Variants in CFAP61 observed in about 807,000 individuals in gnomAD.
CFAP61 encodes the protein cilia- and flagella-associated protein 61.
In CFAP61, 107 loss-of-function variants were observed where a neutral mutation model predicts 135.6. That is an observed-to-expected ratio of 0.79 (90% CI 0.67 to 0.93). The LOEUF is 0.93. Among genes scored for constraint, CFAP61 ranks in the 40% least tolerant of loss-of-function variants. The probability of loss-of-function intolerance (pLI) is 0.00; values close to 1 mark genes in which losing one functional copy is unlikely to be tolerated. For synonymous variants in CFAP61, 575 were observed against 578.5 expected, an observed-to-expected ratio of 0.99 and a Z score of 0.09; for missense variants, 1,507 against 1,556.2, an observed-to-expected ratio of 0.97 and a Z score of 0.53.
intron 13 of CFAP61, among the ~76,000 whole-genome samples, chr20:20,178,838 T>C (rs1433177451): frequency 2.0e-5 from 3 of 152,186 alleles, no homozygotes; most frequent in South Asian, 2.1e-4. Context: ...CAGAACCCGA[T>C]AGAAACTTCA....
chr20:20,287,937 G>A (rs1453972873), intron 22 of CFAP61, among the ~76,000 whole-genome samples: 1 of 152,192 alleles, frequency 6.6e-6, no homozygotes, highest in African/African-American at 2.4e-5. Context: ...TAAGGAGCAT[G>A]CAAAGGGGTT....
At chr20:20,220,102 G>A (rs1459525555) in intron 17 of CFAP61, 2 of 152,420 alleles carry the variant, frequency 1.3e-5, no homozygotes, top group African/African-American at 2.4e-5. Context: ...TAGAGGGTTG[G>A]AACTTTCAGG....
chr20:20,303,492 T>C (rs1258298962), intron 25 of CFAP61, among the ~76,000 whole-genome samples: 2 of 152,078 alleles, frequency 1.3e-5, no homozygotes, highest in African/African-American at 4.8e-5. Context: ...CTGTGCCTTG[T>C]CAGTTACTCC....
At chr20:20,325,668 T>C (rs988376268) in intron 25 of CFAP61, among the ~76,000 whole-genome samples, 10 of 152,234 alleles carry the variant, frequency 6.6e-5, no homozygotes, top group Non-Finnish European at 1.3e-4. Flanking sequence ...TGAATAAAAC[T>C]GCTGTAACAT....
At chr20:20,310,412 C>T (rs2122191614) in intron 25 of CFAP61, among the ~76,000 whole-genome samples, 1 of 152,264 alleles carries the variant, frequency 6.6e-6, no homozygotes, top group Admixed American at 6.5e-5. Flanking sequence ...GAATGCAAAG[C>T]CTGGCAAAGC....
chr20:20,121,866 T>C (rs906778899), intron 8 of CFAP61, among the ~76,000 whole-genome samples: 1 of 152,176 alleles, frequency 6.6e-6, no homozygotes, highest in African/African-American at 2.4e-5. Context: ...TTTTCCTTTC[T>C]TCCTTTCTTA....
chr20:20,216,524 G>A (rs2048046031), intron 17 of CFAP61, among the ~76,000 whole-genome samples: 1 of 152,238 alleles, frequency 6.6e-6, no homozygotes, highest in Admixed American at 6.5e-5. Flanking sequence ...TCACATAGGT[G>A]TCACTCTCAT....
chr20:20,175,810 C>T (rs765603608), intron 13 of CFAP61, among the ~76,000 whole-genome samples: 2 of 152,004 alleles, frequency 1.3e-5, no homozygotes, highest in African/African-American at 4.8e-5. Context: ...GGATTACAGG[C>T]GTGAGCCACT....
intron 9 of CFAP61, among the ~76,000 whole-genome samples, chr20:20,153,369 A>G (rs2052613572): frequency 6.6e-6 from 1 of 152,136 alleles, no homozygotes; most frequent in South Asian, 2.1e-4. Context: ...AAATAAAAAG[A>G]TCAGAACAGG....
intron 8 of CFAP61, among the ~76,000 whole-genome samples, chr20:20,136,234 A>G (rs1307116214): frequency 6.6e-6 from 1 of 151,804 alleles, no homozygotes; most frequent in Non-Finnish European, 1.5e-5. Flanking sequence ...GGTTAAATCT[A>G]CTTGGTGTTT....
At chr20:20,312,860 G>A (rs746129547) in intron 25 of CFAP61, among the ~76,000 whole-genome samples, 16 of 151,968 alleles carry the variant, frequency 1.1e-4, no homozygotes, top group South Asian at 6.2e-4. Flanking sequence ...TAACAGCTCC[G>A]GACTAATAAA....
chr20:20,358,354 T>C lies in CFAP61; in HGVS notation c.3514-1856T>C, dbSNP rs115860995. 7.3e-3 allele frequency among the ~76,000 whole-genome samples: 1,118 copies of C among 152,302 alleles called. 16 individuals carry two copies. Among genetic ancestry groups the C allele is most frequent in the African/African-American group, 0.026 (1,066 of 41,548 alleles). ...AGAGGCAAGTGCCCAAAAATCTGTT[T>C]ATAATCTAGAGCAATATTTGCCTGA... On this transcript the variant is annotated intron_variant, in intron 26 of 26. Transcript: ENST00000245957.
At chr20:20,256,899 T>A (rs1010110466) in intron 20 of CFAP61, among the ~76,000 whole-genome samples, 1 of 152,166 alleles carries the variant, frequency 6.6e-6, no homozygotes, top group Non-Finnish European at 1.5e-5. Flanking sequence ...CCCATCTCCC[T>A]TTTTGTCTAA....
intron 8 of CFAP61, among the ~76,000 whole-genome samples, chr20:20,118,487 C>G (rs1356707824): frequency 1.3e-5 from 2 of 151,732 alleles, no homozygotes; most frequent in African/African-American, 2.4e-5. Flanking sequence ...ATTACAGGTG[C>G]CTGCCACCAC....
At chr20:20,074,193 G>T in intron 3 of CFAP61, 109 bp from the exon 4 acceptor site, 1 of 841,100 alleles carries the variant, frequency 1.2e-6, no homozygotes, top group South Asian at 1.4e-5. Context: ...AACCCTAAAT[G>T]CCAGGCTGTT....
At chr20:20,268,006 G>T (rs2052930851) in intron 21 of CFAP61, among the ~76,000 whole-genome samples, 1 of 152,254 alleles carries the variant, frequency 6.6e-6, no homozygotes, top group African/African-American at 2.4e-5. Context: ...AAGGAGCAGG[G>T]CTGTGCTTAT....
chr20:20,200,808 C>A, intron 17 of CFAP61: 1 of 985,394 alleles, frequency 1.0e-6, no homozygotes, highest in Non-Finnish European at 1.2e-6. Context: ...AAGGACATCA[C>A]CCGACCCAGA....
chr20:20,082,107 T>C lies in CFAP61; in HGVS notation c.566+6492T>C, dbSNP rs150868076. The stretch of plus-strand genomic sequence containing the variant: ...AACAACGCTAGAAAAATGGAGACTT[T>C]ACAGAACATCAAATGGGCGTGGCTG... On this transcript the variant is annotated intron_variant, in intron 6 of 26. Transcript: ENST00000245957. 5.7e-3 allele frequency among the ~76,000 whole-genome samples: 867 copies of C among 152,354 alleles called. 6 individuals are homozygous for C. The Middle Eastern group carries it at 0.061, about 11-fold the overall frequency.
At chr20:20,172,244 G>C (rs948640286) in intron 13 of CFAP61, 1 of 984,772 alleles carries the variant, frequency 1.0e-6, no homozygotes, top group Non-Finnish European at 1.2e-6. Context: ...ACAGGACTGG[G>C]AATTGTAGGT....
Sources: allele counts gnomAD v4.1 joint callset (sites outside exome capture counted in the v4.1 genomes callset), GRCh38; gene constraint gnomAD v4.1.1; transcripts MANE v1.5; gene names NCBI Gene and HGNC (gene_info 2026-07-23, HGNC 2026-07-21).